Variants in WIF1 observed in about 807,000 individuals in gnomAD.
WIF1 encodes the protein Wnt inhibitory factor 1.
WIF1 carries 35 observed loss-of-function variants against 53.5 expected under a neutral mutation model. The observed-to-expected ratio is 0.65, with a 90% CI of 0.50 to 0.87. The LOEUF is 0.87. WIF1 is among the 40% of genes least tolerant of loss of function. The pLI is 0.00. For missense variants in WIF1, 467 were observed against 476.8 expected, an observed-to-expected ratio of 0.98 and a Z score of 0.19; for synonymous variants, 171 against 170.4, an observed-to-expected ratio of 1.00 and a Z score of -0.03.
chr12:65,087,782 T>C (rs1883062817), intron 2 of WIF1, among the ~76,000 whole-genome samples: 1 of 152,074 alleles, frequency 6.6e-6, no homozygotes, highest in South Asian at 2.1e-4. Flanking sequence ...TTACAAGGTA[T>C]CTTCTAATGA....
chr12:65,070,805 A>G (rs928366963), intron 3 of WIF1, among the ~76,000 whole-genome samples: 5 of 151,824 alleles, frequency 3.3e-5, no homozygotes, highest in Non-Finnish European at 7.4e-5. Context: ...CTATCAGTAA[A>G]CTCATCTTCA....
At chr12:65,070,459 A>G (rs1335135020) in intron 3 of WIF1, among the ~76,000 whole-genome samples, 2 of 152,232 alleles carry the variant, frequency 1.3e-5, no homozygotes, top group Non-Finnish European at 2.9e-5. Flanking sequence ...TTTCTATTTC[A>G]GAAAGAAGCA....
intron 2 of WIF1, among the ~76,000 whole-genome samples, chr12:65,096,576 T>A (rs574296904): frequency 1.3e-5 from 2 of 152,234 alleles, no homozygotes; most frequent in African/African-American, 4.8e-5. Context: ...CATATGTTTA[T>A]TGCAGCACTA....
At chr12:65,057,768 G>A (rs370748034) in intron 7 of WIF1, among the ~76,000 whole-genome samples, 8 of 152,108 alleles carry the variant, frequency 5.3e-5, no homozygotes, top group East Asian at 1.9e-4. Context: ...AGAAAGCTGC[G>A]AAAGAAGTCA....
intron 2 of WIF1, among the ~76,000 whole-genome samples, chr12:65,111,512 G>A (rs1240500015): frequency 6.6e-6 from 1 of 152,070 alleles, no homozygotes; most frequent in Non-Finnish European, 1.5e-5. Context: ...TCTATGCCTT[G>A]CCTCAAGCTG....
intron 2 of WIF1, among the ~76,000 whole-genome samples, chr12:65,108,334 G>C (rs1185361967): frequency 6.6e-6 from 1 of 152,164 alleles, no homozygotes; most frequent in Non-Finnish European, 1.5e-5. Flanking sequence ...GAAGGGGAAG[G>C]AGGATTCAGT....
At position 65,102,129 on chromosome 12, in the gene WIF1, A is replaced by G. The variant is rs533702440; in HGVS notation, c.288+18288T>C. Among the ~76,000 whole-genome samples, 3 of 152,308 alleles carry G rather than the reference A, an allele frequency of 2.0e-5. No individual in the cohort carries two copies. The East Asian group carries it at 5.8e-4, about 29-fold the overall frequency. On this transcript the variant is annotated intron_variant, in intron 2 of 9. Coordinates refer to ENST00000286574, the MANE Select transcript of WIF1 (RefSeq NM_007191.5). ...GCCCTCAAGAGTTTAGTTGATCAAG[A>G]TTTAACCTGTGCTGTCTTTTGCTTC...
Position 65,067,690 on chromosome 12 carries a change from C to G in WIF1, c.634+5G>C, listed in dbSNP as rs577099579. ...GGAGCAAGGGAAATCGGCTCCATGTCTTACCTTTCTCACAGTGAGGTCCGT... is the reference window on the plus strand; with the variant it reads ...GGAGCAAGGGAAATCGGCTCCATGTGTTACCTTTCTCACAGTGAGGTCCGT... On this transcript the variant is annotated splice_donor_5th_base_variant and intron_variant, in intron 5 of 9. Transcript: ENST00000286574. The G allele has an allele frequency of 4.2e-5, 68 of 1,612,860 alleles. 1 individual carries two copies. The South Asian group carries it at 7.2e-4, about 17-fold the overall frequency.
chr12:65,087,914 A>G (rs1041240574), intron 2 of WIF1, among the ~76,000 whole-genome samples: 2 of 152,162 alleles, frequency 1.3e-5, no homozygotes, highest in African/African-American at 4.8e-5. Context: ...ACAGTCATGT[A>G]TTTGATAAAT....
intron 2 of WIF1, among the ~76,000 whole-genome samples, chr12:65,094,907 T>C (rs1883179877): frequency 1.3e-5 from 1 of 79,022 alleles, no homozygotes; most frequent in Non-Finnish European, 2.9e-5. Context: ...TCTTCTTATT[T>C]ATTTATTTAT....
In WIF1 at chr12:65,113,781, C is replaced by A. The variant is rs532685725; in HGVS notation, c.288+6636G>T. On this transcript the variant is annotated intron_variant, in intron 2 of 9. Transcript: ENST00000286574. ...TGCAAATACCACAGCATAGCAGAAT[C>A]TAAACGTTAAAGGTTGAAAGCTGTG... Among the ~76,000 whole-genome samples the A allele has an allele frequency of 3.9e-5, 6 of 152,252 alleles. No homozygotes were observed. In the South Asian group the frequency reaches 1.2e-3, roughly 32 times the overall value.
chr12:65,072,711 C>T (rs1351359579), intron 3 of WIF1, among the ~76,000 whole-genome samples: 5 of 152,000 alleles, frequency 3.3e-5, no homozygotes, highest in Non-Finnish European at 7.4e-5. Flanking sequence ...AAAACAGATG[C>T]ACCAAGAAAA....
intron 3 of WIF1, among the ~76,000 whole-genome samples, chr12:65,076,204 A>AT (rs1273662933): frequency 1.3e-5 from 2 of 151,792 alleles, no homozygotes; most frequent in South Asian, 2.1e-4. Flanking sequence ...CACCTGGCTA[A>AT]TTTTTTTAAT....
At chr12:65,064,475 T>C (rs1882658878) in intron 6 of WIF1, among the ~76,000 whole-genome samples, 1 of 152,216 alleles carries the variant, frequency 6.6e-6, no homozygotes. Context: ...TCTTTAATAT[T>C]TGTTCAAATA....
intron 2 of WIF1, among the ~76,000 whole-genome samples, chr12:65,109,914 A>T (rs1164422274): frequency 1.3e-5 from 2 of 152,196 alleles, no homozygotes; most frequent in African/African-American, 4.8e-5. Flanking sequence ...CAGTAATAGG[A>T]TACACAAAGA....
At chr12:65,055,822 G>A (rs1344582466) in intron 8 of WIF1, among the ~76,000 whole-genome samples, 1 of 152,154 alleles carries the variant, frequency 6.6e-6, no homozygotes, top group Non-Finnish European at 1.5e-5. Context: ...TAGTTAAAAC[G>A]TTCAGTTGCA....
intron 2 of WIF1, among the ~76,000 whole-genome samples, chr12:65,098,242 C>G (rs1161741364): frequency 2.0e-5 from 3 of 152,158 alleles, no homozygotes; most frequent in Non-Finnish European, 1.5e-5. Flanking sequence ...CTTTTCAACT[C>G]TGTTTGAAAA....
intron 2 of WIF1, among the ~76,000 whole-genome samples, chr12:65,083,249 A>G (rs1359431304): frequency 6.6e-6 from 1 of 152,204 alleles, no homozygotes; most frequent in East Asian, 1.9e-4. Flanking sequence ...GTGAAGGGCC[A>G]GAAAAAATCT....
Position 65,099,450 on chromosome 12 carries a change from C to T in WIF1, c.288+20967G>A, listed in dbSNP as rs138898515. The stretch of plus-strand genomic sequence containing the variant: ...CAGAAGATGCTCTGCAGCAGAGAGG[C>T]CAGCAGTCTATAAACAATAATTTGT... On this transcript the variant is annotated intron_variant, in intron 2 of 9. Coordinates refer to ENST00000286574, the MANE Select transcript of WIF1 (RefSeq NM_007191.5). 1.5e-3 allele frequency among the ~76,000 whole-genome samples: 222 copies of T among 152,308 alleles called. 2 individuals carry two copies. The South Asian group carries it at 0.016, about 11-fold the overall frequency.
Sources: allele counts gnomAD v4.1 joint callset (sites outside exome capture counted in the v4.1 genomes callset), GRCh38; gene constraint gnomAD v4.1.1; transcripts MANE v1.5; gene names NCBI Gene and HGNC (gene_info 2026-07-23, HGNC 2026-07-21).